Variants in MEAF6 observed in about 807,000 individuals in gnomAD.
The protein encoded by MEAF6 is MYST/Esa1 associated factor 6.
Under a neutral mutation model 28.9 loss-of-function variants are expected in MEAF6, and 15 were observed. The ratio of observed to expected loss-of-function variants is 0.52; its 90% CI spans 0.35 to 0.80. The LOEUF is 0.80. MEAF6 is among the 30% of genes least tolerant of loss of function. MEAF6 has a pLI of 0.01. For synonymous variants in MEAF6, 97 were observed against 88.7 expected (o/e 1.09, Z -0.53); for missense variants, 178 against 237.5 (o/e 0.75, Z 1.65).
chr1:37,498,112 C>T (rs1557605140), intron 5 of MEAF6, among the ~76,000 whole-genome samples: 2 of 152,200 alleles, frequency 1.3e-5, no homozygotes, highest in Non-Finnish European at 2.9e-5. Context: ...CAAATGGCTA[C>T]ATTTAGGTGC....
intron 2 of MEAF6, 42 bp from the exon 3 acceptor site, chr1:37,509,584 C>T (rs910245435): frequency 1.9e-6 from 3 of 1,554,278 alleles, no homozygotes; most frequent in Admixed American, 3.5e-5. Flanking sequence ...CAAGCTATGT[C>T]TATGGCTCAA....
intron 4 of MEAF6, among the ~76,000 whole-genome samples, chr1:37,504,772 CA>C (rs1207977254): frequency 0.012 from 493 of 42,160 alleles, 2 homozygotes; most frequent in African/African-American, 0.036. Context: ...GACTCCATCT[CA>C]AAAAAAAAAA....
Position 37,513,557 on chromosome 1 carries a change from G to A in MEAF6, c.91-19C>T. On this transcript the variant is annotated intron_variant, in intron 1 of 6. Coordinates refer to ENST00000296214, the MANE Select transcript of MEAF6 (RefSeq NM_001270875.3). ...ATGTTTCCTGAGAGATGAAAAACAA[G>A]GACATGAATGATACCTTTTAAATGC... is the stretch of plus-strand genomic sequence containing the variant. The A allele has an allele frequency of 2.6e-6, 4 of 1,550,198 alleles. No homozygotes were observed. The highest frequency in any genetic ancestry group is 3.6e-6 in the Non-Finnish European group (4 of 1,121,734).
rs1046812239 is a variant in MEAF6, at chr1:37,492,003, T to C, written c.*2096A>G. On this transcript the variant is annotated 3_prime_UTR_variant, in exon 7 of 7. Transcript: ENST00000296214. ...CAACAGAGCAGTACTATTCCATCTC[T>C]AGCAATCTCAAACTGTTAAGAGTCA... Among the ~76,000 whole-genome samples, 3 of 149,682 alleles carry C rather than the reference T, an allele frequency of 2.0e-5. No individual in the cohort carries two copies. The highest frequency in any genetic ancestry group is 4.4e-5 in the Non-Finnish European group (3 of 67,512).
In MEAF6 at chr1:37,492,873, G is replaced by A. The variant is rs1340710004; in HGVS notation, c.*1226C>T. On this transcript the variant is annotated 3_prime_UTR_variant, in exon 7 of 7. Transcript: ENST00000296214. Reference sequence around the variant, plus strand: ...AACCTGGCTTCTTATCAGAATCCCAGGAACTCTTTTAAAGAAATTCCCAAT... The same window carrying A: ...AACCTGGCTTCTTATCAGAATCCCAAGAACTCTTTTAAAGAAATTCCCAAT... 6.6e-6 allele frequency: 1 copy of A among 152,134 alleles called. No individual in the cohort carries two copies. The highest frequency in any genetic ancestry group is 1.5e-5 in the Non-Finnish European group (1 of 68,034). The allele number at this position is 152,134 out of a possible 1,614,324, so 9.4% of individuals were successfully genotyped here. A position where few individuals can be genotyped will look rare whatever the true frequency, so the allele number is the denominator to read the frequency against.
At chr1:37,509,365 C>A (rs539150232) in intron 3 of MEAF6, 42 bp from the exon 4 acceptor site, 1 of 1,611,338 alleles carries the variant, frequency 6.2e-7, no homozygotes. Context: ...TGACCACAGA[C>A]CTCAGAAGAG....
At chr1:37,509,645 T>G in intron 2 of MEAF6, 103 bp from the exon 3 acceptor site, 3 of 993,480 alleles carry the variant, frequency 3.0e-6, no homozygotes, top group Admixed American at 2.3e-5. Context: ...TCCATGTCAC[T>G]CAGACTGGCC....
At chr1:37,497,466 C>G (rs997561538) in intron 5 of MEAF6, among the ~76,000 whole-genome samples, 1 of 152,140 alleles carries the variant, frequency 6.6e-6, no homozygotes, top group African/African-American at 2.4e-5. Context: ...AGTGGTGGAA[C>G]CTTGTTCCAG....
intron 4 of MEAF6, among the ~76,000 whole-genome samples, chr1:37,507,548 G>A (rs1327645895): frequency 2.0e-5 from 3 of 151,658 alleles, no homozygotes; most frequent in African/African-American, 7.3e-5. Context: ...AGGAGTCAAA[G>A]ACGTCTACAG....
chr1:37,510,526 C>T (rs1642634711), intron 2 of MEAF6, among the ~76,000 whole-genome samples: 2 of 150,796 alleles, frequency 1.3e-5, no homozygotes, highest in South Asian at 2.1e-4. Flanking sequence ...GGACTACAGG[C>T]GCACCCCACC....
At position 37,490,616 on chromosome 1, in the gene MEAF6, C is replaced by T. The variant is rs936550341; in HGVS notation, c.*3483G>A. Reference sequence around the variant, plus strand: ...TGGCCATTCACAGAAATGATCATAGCATACTGTAGCCTTGAACTTCTGGCT... The same window carrying T: ...TGGCCATTCACAGAAATGATCATAGTATACTGTAGCCTTGAACTTCTGGCT... On this transcript the variant is annotated 3_prime_UTR_variant, in exon 7 of 7. Coordinates refer to ENST00000296214, the MANE Select transcript of MEAF6 (RefSeq NM_001270875.3). Among the ~76,000 whole-genome samples, 1 of 152,174 alleles carries T rather than the reference C, an allele frequency of 6.6e-6. No homozygotes were observed. Among genetic ancestry groups the T allele is most frequent in the South Asian group, 2.1e-4 (1 of 4,826 alleles).
intron 4 of MEAF6, among the ~76,000 whole-genome samples, chr1:37,503,810 A>T (rs1642391488): frequency 6.6e-6 from 1 of 152,064 alleles, no homozygotes; most frequent in African/African-American, 2.4e-5. Flanking sequence ...CTAACACAAA[A>T]ATTAACCAGG....
Position 37,492,154 on chromosome 1 carries a change from G to A in MEAF6, c.*1945C>T, listed in dbSNP as rs990301005. On this transcript the variant is annotated 3_prime_UTR_variant, in exon 7 of 7. Transcript: ENST00000296214. ...TGCCATTCTCCTGCCTCAGCCTCCC[G>A]AGTAGCTGGGACTACCGGCACCCGC... is the stretch of plus-strand genomic sequence containing the variant. Among the ~76,000 whole-genome samples the A allele has an allele frequency of 3.3e-5, 5 of 151,674 alleles. No homozygotes were observed. Among genetic ancestry groups the A allele is most frequent in the Non-Finnish European group, 5.9e-5 (4 of 67,974 alleles).
rs1207977254 is a variant in MEAF6 at position 37,504,772 on chromosome 1, C to CAA, written c.341-2778_341-2777dup. Among the ~76,000 whole-genome samples the CAA allele has an allele frequency of 1.7e-3, 70 of 42,130 alleles. 1 individual carries two copies. Among genetic ancestry groups the CAA allele is most frequent in the Middle Eastern group, 0.022 (1 of 46 alleles). The allele number at this position is 42,130 out of a possible 152,430, so 27.6% of individuals were successfully genotyped here. A position where few individuals can be genotyped will look rare whatever the true frequency, so the allele number is the denominator to read the frequency against. On this transcript the variant is annotated intron_variant, in intron 4 of 6. Transcript: ENST00000296214. ...GGGCAACAAGAGCAAGACTCCATCTCAAAAAAAAAAAAAAAAAAAAATTTA... is the reference window on the plus strand; with the variant it reads ...GGGCAACAAGAGCAAGACTCCATCTCAAAAAAAAAAAAAAAAAAAAAAATTTA...
At chr1:37,494,366 T>C (rs1260657612) in intron 6 of MEAF6, among the ~76,000 whole-genome samples, 2 of 150,890 alleles carry the variant, frequency 1.3e-5, no homozygotes, top group East Asian at 3.9e-4. Context: ...ATACAAAACA[T>C]TGGCCAGACA....
chr1:37,510,835 G>C (rs541214002), intron 2 of MEAF6, among the ~76,000 whole-genome samples: 1 of 152,232 alleles, frequency 6.6e-6, no homozygotes, highest in South Asian at 2.1e-4. Flanking sequence ...CGATTCTCCT[G>C]CCTCAGCCTC....
intron 4 of MEAF6, among the ~76,000 whole-genome samples, chr1:37,502,372 G>A (rs942433790): frequency 1.3e-5 from 2 of 151,688 alleles, no homozygotes; most frequent in Non-Finnish European, 2.9e-5. Flanking sequence ...TACTGTGCCT[G>A]ATCTATAGTC....
At chr1:37,503,485 C>A (rs1029476643) in intron 4 of MEAF6, among the ~76,000 whole-genome samples, 1 of 151,834 alleles carries the variant, frequency 6.6e-6, no homozygotes, top group Non-Finnish European at 1.5e-5. Context: ...ACCCTCATCT[C>A]TATAAAAACA....
In MEAF6 at chr1:37,490,701, C is replaced by A. The variant is rs1641899193; in HGVS notation, c.*3398G>T. ...AGCTGGGACTAAAGGTGCATATCACCATGCCCAGCTTGATGTGAATTTTTA... is the reference window on the plus strand; with the variant it reads ...AGCTGGGACTAAAGGTGCATATCACAATGCCCAGCTTGATGTGAATTTTTA... On this transcript the variant is annotated 3_prime_UTR_variant, in exon 7 of 7. Coordinates refer to ENST00000296214, the MANE Select transcript of MEAF6 (RefSeq NM_001270875.3). Among the ~76,000 whole-genome samples, 1 of 152,158 alleles carries A rather than the reference C, an allele frequency of 6.6e-6. No homozygotes were observed. The highest frequency in any genetic ancestry group is 2.4e-5 in the African/African-American group (1 of 41,444).
Sources: allele counts gnomAD v4.1 joint callset (sites outside exome capture counted in the v4.1 genomes callset), GRCh38; gene constraint gnomAD v4.1.1; transcripts MANE v1.5; gene names NCBI Gene and HGNC (gene_info 2026-07-23, HGNC 2026-07-21).